TERB1: variants seen among roughly 807,000 people sequenced by gnomAD.
TERB1 encodes telomere repeat binding bouquet formation protein 1, also known as telomere repeats-binding bouquet formation protein 1.
TERB1 carries 63 observed loss-of-function variants against 92.3 expected under a neutral mutation model. The ratio of observed to expected loss-of-function variants is 0.68; its 90% CI spans 0.56 to 0.84. TERB1 has a LOEUF of 0.84. TERB1 is among the 40% of genes least tolerant of loss of function. The pLI is 0.00. For missense variants in TERB1, 709 were observed against 843.7 expected, an observed-to-expected ratio of 0.84 and a Z score of 1.98; for synonymous variants, 252 against 283.9, an observed-to-expected ratio of 0.89 and a Z score of 1.13.
At position 66,797,623 on chromosome 16, in the gene TERB1, CCACACACACACACACACA is replaced by C. The variant is rs71145942; in HGVS notation, c.-32-811_-32-794del. On this transcript the variant is annotated intron_variant, in intron 2 of 18. Coordinates refer to ENST00000433154, the MANE Select transcript of TERB1 (RefSeq NM_001136505.2). ...TACCTAAGAGAGGTTTAAAAACACACCACACACACACACACACACACACACACACACACACACACTCTT... is the reference window on the plus strand; with the variant it reads ...TACCTAAGAGAGGTTTAAAAACACACCACACACACACACACACACACTCTT... Among the ~76,000 whole-genome samples the C allele has an allele frequency of 9.9e-5, 14 of 140,844 alleles. 1 individual carries two copies. The highest frequency in any genetic ancestry group is 7.9e-4 in the Admixed American group (11 of 13,910). 92.4% of individuals were successfully genotyped at this position (140,844 alleles called of 152,430 possible). A position where few individuals can be genotyped will look rare whatever the true frequency, so the allele number is the denominator to read the frequency against.
chr16:66,801,457 C>G lies in TERB1; in HGVS notation c.-110+11G>C, dbSNP rs901075473. On this transcript the variant is annotated intron_variant, in intron 1 of 18. Coordinates refer to ENST00000433154, the MANE Select transcript of TERB1 (RefSeq NM_001136505.2). ...GCCGGCCCAACCCGCCTTACACAGG[C>G]GCCAACATACAGAGTTTCCAAGCGC... is the stretch of plus-strand genomic sequence containing the variant. The G allele has an allele frequency of 1.3e-5, 2 of 152,302 alleles. No individual in the cohort carries two copies. Among genetic ancestry groups the G allele is most frequent in the African/African-American group, 2.4e-5 (1 of 41,470 alleles). 9.4% of individuals were successfully genotyped at this position (152,302 alleles called of 1,614,324 possible).
rs969640874 is a variant in TERB1, at chr16:66,790,972, T to G, written c.79A>C (p.Met27Leu). ...TCCTTTTGTGAAAAAGCATTGTCCA[T>G]TTGATACTTTAGACACTCCAATAAT... ...NLLLECLKYQ[M>L]DNAFSQKEAL... is the part of the protein sequence containing the mutation. The change falls in exon 4 of 19, where the codon ATG (methionine) becomes CTG (leucine). Residue 27 changes from methionine to leucine, a missense_variant. Coordinates refer to ENST00000433154, the MANE Select transcript of TERB1 (RefSeq NM_001136505.2). 5 of 1,549,302 alleles carry G rather than the reference T, an allele frequency of 3.2e-6. No individual in the cohort carries two copies. The highest frequency in any genetic ancestry group is 3.5e-6 in the Non-Finnish European group (4 of 1,145,732).
rs759348344 is a variant in TERB1 at position 66,786,099 on chromosome 16, C to G, written c.492G>C (p.Leu164Phe). 3.2e-6 allele frequency: 5 copies of G among 1,551,074 alleles called. No individual in the cohort carries two copies. The African/African-American group carries it at 6.9e-5, about 21-fold the overall frequency. The change falls in exon 8 of 19, where the codon TTG becomes TTC. Residue 164 changes from leucine to phenylalanine, a missense_variant. Physicochemically the swap from Leu to Phe is conservative, Grantham distance 22. Coordinates refer to ENST00000433154, the MANE Select transcript of TERB1 (RefSeq NM_001136505.2). ...AACTCTGGAAAACATTTTTATCTGA[C>G]AAATCCAACTCATGTTTTGAAATAA... is the stretch of plus-strand genomic sequence containing the variant. ...RTVISKHELD[L>F]SDKNVFQSYQ...
intron 9 of TERB1, among the ~76,000 whole-genome samples, chr16:66,781,592 T>C (rs554452152): frequency 6.8e-6 from 1 of 147,510 alleles, no homozygotes; most frequent in East Asian, 2.1e-4. Flanking sequence ...CAATCTTGGC[T>C]CACTGCAAGC....
At chr16:66,761,729 A>T (rs2018253776) in intron 16 of TERB1, among the ~76,000 whole-genome samples, 1 of 152,044 alleles carries the variant, frequency 6.6e-6, no homozygotes, top group Non-Finnish European at 1.5e-5. Context: ...TCAAGGCTGC[A>T]GTGAGCCATG....
intron 3 of TERB1, among the ~76,000 whole-genome samples, chr16:66,793,443 C>A (rs966806420): frequency 5.3e-5 from 8 of 151,878 alleles, no homozygotes; most frequent in Non-Finnish European, 8.8e-5. Context: ...GTCTCAAACT[C>A]CTGACCTCAG....
intron 3 of TERB1, among the ~76,000 whole-genome samples, chr16:66,793,891 A>G (rs916906718): frequency 2.0e-5 from 3 of 152,084 alleles, no homozygotes; most frequent in African/African-American, 7.2e-5. Flanking sequence ...TTAGTGAAAA[A>G]CCATAGTACA....
At chr16:66,798,727 T>C (rs979378025) in intron 2 of TERB1, among the ~76,000 whole-genome samples, 1 of 152,262 alleles carries the variant, frequency 6.6e-6, no homozygotes, top group African/African-American at 2.4e-5. Context: ...TTGTCTTTAG[T>C]TGGTGGTTCT....
intron 10 of TERB1, among the ~76,000 whole-genome samples, chr16:66,778,383 G>A (rs905850722): frequency 1.3e-5 from 2 of 152,056 alleles, no homozygotes; most frequent in African/African-American, 4.8e-5. Context: ...ACAGGTGTGA[G>A]CCACCACACA....
chr16:66,770,642 A>G (rs1037278599), intron 13 of TERB1, among the ~76,000 whole-genome samples: 1 of 152,116 alleles, frequency 6.6e-6, no homozygotes, highest in South Asian at 2.1e-4. Context: ...GGGGTATAAG[A>G]CCTTTCTAAG....
intron 16 of TERB1, among the ~76,000 whole-genome samples, chr16:66,762,838 C>T (rs1370208089): frequency 1.3e-5 from 2 of 150,668 alleles, no homozygotes; most frequent in African/African-American, 4.9e-5. Context: ...CATGCAACAC[C>T]ACACTCAGCT....
chr16:66,794,920 A>C (rs199626240), intron 3 of TERB1, among the ~76,000 whole-genome samples: 68,777 of 146,788 alleles, frequency 0.47, 16,935 homozygotes, highest in East Asian at 0.62. Flanking sequence ...AAAAAAAAAA[A>C]AAACACACAC....
intron 16 of TERB1, among the ~76,000 whole-genome samples, chr16:66,767,075 C>T (rs757455): frequency 0.51 from 76,390 of 151,186 alleles, 20,096 homozygotes; most frequent in African/African-American, 0.64. Context: ...ATGTCTGTAA[C>T]ACCAGCACTT....
chr16:66,768,675 C>T (rs973805373), intron 14 of TERB1, among the ~76,000 whole-genome samples: 15 of 152,168 alleles, frequency 9.9e-5, no homozygotes, highest in African/African-American at 3.4e-4. Context: ...AACTGTAGAT[C>T]AGATAGCAGG....
chr16:66,760,994 C>T (rs2018233910), intron 16 of TERB1, among the ~76,000 whole-genome samples: 1 of 146,532 alleles, frequency 6.8e-6, no homozygotes, highest in African/African-American at 2.5e-5. Flanking sequence ...TGCCTGTAGT[C>T]CCAGCTACTT....
At chr16:66,778,543 G>C (rs952712386) in intron 10 of TERB1, among the ~76,000 whole-genome samples, 1 of 152,094 alleles carries the variant, frequency 6.6e-6, no homozygotes, top group Non-Finnish European at 1.5e-5. Flanking sequence ...TTGGCCTCCT[G>C]AGTAGCTGGA....
At chr16:66,775,035 T>TA (rs755110470) in intron 12 of TERB1, 83 bp downstream of exon 12, 33 of 1,380,836 alleles carry the variant, frequency 2.4e-5, no homozygotes, top group Non-Finnish European at 3.3e-5. Context: ...CTGAGAGCTA[T>TA]AGGGCCTTGG....
intron 3 of TERB1, among the ~76,000 whole-genome samples, chr16:66,794,936 C>G (rs1428173029): frequency 1.3e-5 from 2 of 151,606 alleles, no homozygotes; most frequent in Non-Finnish European, 2.9e-5. Flanking sequence ...CACACACACA[C>G]ACACACACAC....
chr16:66,779,069 G>A, intron 9 of TERB1, 54 bp from the exon 10 acceptor site: 1 of 1,281,824 alleles, frequency 7.8e-7, no homozygotes, highest in Non-Finnish European at 1.0e-6. Context: ...CAGCTGAATG[G>A]TTTTATTCAA....
Sources: allele counts gnomAD v4.1 joint callset (sites outside exome capture counted in the v4.1 genomes callset), GRCh38; gene constraint gnomAD v4.1.1; transcripts MANE v1.5; gene names NCBI Gene and HGNC (gene_info 2026-07-23, HGNC 2026-07-21).